The following RORA variants were observed in gnomAD, a reference collection of about 807,000 sequenced individuals.
RORA encodes nuclear receptor ROR-alpha.
RORA carries 7 observed loss-of-function variants against 69.5 expected under a neutral mutation model. That is an observed-to-expected ratio of 0.10 (90% CI 0.06 to 0.19). The LOEUF (loss-of-function observed/expected upper bound fraction) is 0.19. Among genes scored for constraint, RORA ranks in the 10% least tolerant of loss-of-function variants. The pLI is 1.00. For missense variants in RORA, 457 were observed against 663.0 expected (o/e 0.69, Z 3.41); for synonymous variants, 261 against 240.8 (o/e 1.08, Z -0.78).
At chr15:60,512,485 C>T (rs2065734811) in intron 4 of RORA, among the ~76,000 whole-genome samples, 1 of 152,096 alleles carries the variant, frequency 6.6e-6, no homozygotes, top group African/African-American at 2.4e-5. Flanking sequence ...TGGAGTTTCG[C>T]TATGTTGCCC....
At chr15:60,656,231 T>A (rs1227728485) in intron 2 of RORA, among the ~76,000 whole-genome samples, 1 of 152,130 alleles carries the variant, frequency 6.6e-6, no homozygotes, top group Non-Finnish European at 1.5e-5. Context: ...AGCTGGAATT[T>A]CCCCAGATCA....
At chr15:60,677,281 T>G (rs1310047487) in intron 2 of RORA, 2 of 441,644 alleles carry the variant, frequency 4.5e-6, no homozygotes, top group Admixed American at 4.8e-5. Flanking sequence ...AATCTCTCAG[T>G]CATCATGAGC....
At chr15:61,205,350 G>C (rs1470447522) in intron 1 of RORA, among the ~76,000 whole-genome samples, 1 of 152,150 alleles carries the variant, frequency 6.6e-6, no homozygotes, top group African/African-American at 2.4e-5. Context: ...GCGTTCAAGG[G>C]TCCTGCCGTG....
intron 1 of RORA, among the ~76,000 whole-genome samples, chr15:60,785,340 C>T (rs1458765595): frequency 1.3e-5 from 2 of 152,050 alleles, no homozygotes; most frequent in African/African-American, 4.8e-5. Flanking sequence ...CTGATGGAAA[C>T]AAAGAAGGAG....
At chr15:60,554,108 G>C (rs2067295670) in intron 2 of RORA, among the ~76,000 whole-genome samples, 1 of 152,128 alleles carries the variant, frequency 6.6e-6, no homozygotes, top group Admixed American at 6.5e-5. Flanking sequence ...CACTGAGTAA[G>C]TGATTTTAAT....
intron 2 of RORA, among the ~76,000 whole-genome samples, chr15:60,541,997 C>A (rs559793032): frequency 2.0e-5 from 3 of 152,322 alleles, no homozygotes; most frequent in Admixed American, 6.5e-5. Context: ...CCTGAAAACA[C>A]TGCTATCAGC....
intron 1 of RORA, among the ~76,000 whole-genome samples, chr15:60,772,928 T>C (rs2072099791): frequency 6.6e-6 from 1 of 152,262 alleles, no homozygotes; most frequent in Non-Finnish European, 1.5e-5. Context: ...GCCCAGACTT[T>C]ATCTTAATTG....
At chr15:61,039,859 T>C (rs868734717) in intron 1 of RORA, among the ~76,000 whole-genome samples, 3 of 151,364 alleles carry the variant, frequency 2.0e-5, no homozygotes, top group Non-Finnish European at 2.9e-5. Context: ...CCTCCAGACA[T>C]TTTCATTCAG....
At chr15:60,844,997 C>T (rs922407355) in intron 1 of RORA, among the ~76,000 whole-genome samples, 1 of 151,896 alleles carries the variant, frequency 6.6e-6, no homozygotes, top group Non-Finnish European at 1.5e-5. Context: ...CAAACCCACC[C>T]TTGTTTCAAA....
At chr15:60,878,170 CAA>C (rs11362081) in intron 1 of RORA, among the ~76,000 whole-genome samples, 133 of 69,678 alleles carry the variant, frequency 1.9e-3, no homozygotes, top group African/African-American at 5.8e-3. Context: ...ACTAAAAATA[CAA>C]AAAAAAAAAA....
chr15:60,608,820 AT>A (rs1410778354), intron 2 of RORA, among the ~76,000 whole-genome samples: 2 of 152,140 alleles, frequency 1.3e-5, no homozygotes, highest in African/African-American at 2.4e-5. Context: ...CACCAAACAC[AT>A]TTTAATAAAT....
chr15:60,546,663 C>T (rs1275050973), intron 2 of RORA, among the ~76,000 whole-genome samples: 1 of 152,114 alleles, frequency 6.6e-6, no homozygotes, highest in African/African-American at 2.4e-5. Flanking sequence ...AATGTCACAA[C>T]TAAAATTTAC....
chr15:60,693,839 A>C (rs1162521627), intron 1 of RORA, among the ~76,000 whole-genome samples: 1 of 152,250 alleles, frequency 6.6e-6, no homozygotes, highest in East Asian at 1.9e-4. Flanking sequence ...GGATAGGAAG[A>C]ATCAATATCA....
chr15:60,698,402 A>C (rs943937221), intron 1 of RORA, among the ~76,000 whole-genome samples: 1 of 152,210 alleles, frequency 6.6e-6, no homozygotes, highest in Non-Finnish European at 1.5e-5. Flanking sequence ...AAGCACTCCA[A>C]TATCTTTCTT....
chr15:60,826,663 T>TTTC (rs397733319), intron 1 of RORA, among the ~76,000 whole-genome samples: 3 of 150,842 alleles, frequency 2.0e-5, no homozygotes, highest in Non-Finnish European at 4.4e-5. Flanking sequence ...TTTTTTTTTT[T>TTTC]CCCATGGAGG....
chr15:61,127,215 G>A (rs1414105913), intron 1 of RORA, among the ~76,000 whole-genome samples: 1 of 152,170 alleles, frequency 6.6e-6, no homozygotes, highest in African/African-American at 2.4e-5. Flanking sequence ...ATGCTTGGCA[G>A]TTTTTCTCTG....
chr15:60,919,544 C>T (rs988503661), intron 1 of RORA, among the ~76,000 whole-genome samples: 2 of 152,166 alleles, frequency 1.3e-5, no homozygotes, highest in African/African-American at 4.8e-5. Context: ...ATAGAGGCTA[C>T]TCTGGGATAT....
chr15:60,852,780 G>A (rs1031422323), intron 1 of RORA, among the ~76,000 whole-genome samples: 1 of 152,148 alleles, frequency 6.6e-6, no homozygotes, highest in Non-Finnish European at 1.5e-5. Flanking sequence ...GATGGAGCTT[G>A]AAGAGATGGC....
intron 1 of RORA, among the ~76,000 whole-genome samples, chr15:61,023,697 T>C (rs1895656729): frequency 6.6e-6 from 1 of 152,200 alleles, no homozygotes; most frequent in Non-Finnish European, 1.5e-5. Flanking sequence ...TTGGATATTT[T>C]TGTCTAAGCA....
Sources: gnomAD v4.1 joint callset for allele counts (sites outside exome capture counted in the v4.1 genomes callset) on GRCh38, gnomAD v4.1.1 for gene constraint, MANE v1.5 for transcripts, NCBI Gene and HGNC (gene_info 2026-07-23, HGNC 2026-07-21) for gene names.